INSR: variants seen among roughly 807,000 people sequenced by gnomAD.
INSR encodes IR.
A neutral mutation model predicts 142.6 loss-of-function variants in INSR; 67 were observed. That is an observed-to-expected ratio of 0.47 (90% CI 0.39 to 0.58). The LOEUF is 0.58. Ranked by LOEUF, INSR falls within the 20% of genes least tolerant of loss-of-function variation. The pLI is 0.00. For synonymous variants in INSR, 756 were observed against 743.1 expected, an observed-to-expected ratio of 1.02 and a Z score of -0.28; for missense variants, 1,248 against 1,833.2, an observed-to-expected ratio of 0.68 and a Z score of 5.83.
chr19:7,146,236 C>CTTTTTTTTTTTTTTTTTTTTTTTTTTTTT (rs35961932), intron 11 of INSR, among the ~76,000 whole-genome samples: 1 of 110,754 alleles, frequency 9.0e-6, no homozygotes, highest in African/African-American at 3.5e-5. Flanking sequence ...TTGTCAAGTT[C>CTTTTTTTTTTTTTTTTTTTTTTTTTTTTT]TTTTTTTTTT....
At chr19:7,293,647 C>G (rs1968556647) in intron 1 of INSR, 145 bp downstream of exon 1, 1 of 618,512 alleles carries the variant, frequency 1.6e-6, no homozygotes, top group African/African-American at 2.0e-5. Flanking sequence ...GCTCCCCCTA[C>G]GCGATGCAGG....
At position 7,214,302 on chromosome 19, in the gene INSR, C is replaced by T. The variant is rs543540563; in HGVS notation, c.653-29665G>A. Among the ~76,000 whole-genome samples the T allele has an allele frequency of 5.3e-5, 8 of 152,278 alleles. No homozygotes were observed. In the East Asian group the frequency reaches 1.5e-3, roughly 29 times the overall value. On this transcript the variant is annotated intron_variant, in intron 2 of 21. Transcript: ENST00000302850. ...CCCAGAACTCTAGTTCTTATTCCCC[C>T]CTGTGCTGGCCCTCCATAAACATTT...
chr19:7,156,782 CTTTTTTTTT>C (rs746400499), intron 9 of INSR, among the ~76,000 whole-genome samples: 12 of 63,186 alleles, frequency 1.9e-4, no homozygotes, highest in African/African-American at 5.4e-4. Context: ...CTATTTCTCT[CTTTTTTTTT>C]TTTTTTTTTT....
At chr19:7,154,523 C>T (rs1309406291) in intron 9 of INSR, among the ~76,000 whole-genome samples, 3 of 150,424 alleles carry the variant, frequency 2.0e-5, no homozygotes, top group East Asian at 2.0e-4. Flanking sequence ...AGGATGGTCT[C>T]GATCTCCTGA....
chr19:7,206,480 T>C (rs1975107792), intron 2 of INSR, among the ~76,000 whole-genome samples: 1 of 152,192 alleles, frequency 6.6e-6, no homozygotes, highest in African/African-American at 2.4e-5. Context: ...CAGTCACTCC[T>C]CATTGCTTGC....
At chr19:7,289,866 G>C (rs1193668859) in intron 1 of INSR, among the ~76,000 whole-genome samples, 1 of 152,180 alleles carries the variant, frequency 6.6e-6, no homozygotes, top group African/African-American at 2.4e-5. Flanking sequence ...GGACCACATG[G>C]GTGGAGACCA....
intron 1 of INSR, among the ~76,000 whole-genome samples, chr19:7,286,088 TC>T (rs149290723): frequency 0.033 from 4,993 of 152,168 alleles, 290 homozygotes; most frequent in African/African-American, 0.11. Flanking sequence ...CAGGTGATCC[TC>T]CCACCTCAGC....
At chr19:7,249,957 A>C (rs1976659684) in intron 2 of INSR, among the ~76,000 whole-genome samples, 1 of 151,810 alleles carries the variant, frequency 6.6e-6, no homozygotes. Context: ...GCACCACTGC[A>C]CTCCAACCTG....
chr19:7,262,700 G>A (rs1302523931), intron 2 of INSR, among the ~76,000 whole-genome samples: 2 of 152,188 alleles, frequency 1.3e-5, no homozygotes, highest in African/African-American at 4.8e-5. Context: ...AGGCTACCAC[G>A]TGGATGAACC....
At chr19:7,248,926 A>G (rs1600089872) in intron 2 of INSR, among the ~76,000 whole-genome samples, 1 of 151,670 alleles carries the variant, frequency 6.6e-6, no homozygotes. Flanking sequence ...CGCCCAGCTA[A>G]TTAAGTATTT....
At chr19:7,158,305 C>A (rs1481020640) in intron 9 of INSR, among the ~76,000 whole-genome samples, 1 of 151,838 alleles carries the variant, frequency 6.6e-6, no homozygotes, top group Non-Finnish European at 1.5e-5. Flanking sequence ...TCGAGACCAT[C>A]CTGGCTAACA....
At chr19:7,191,711 C>G (rs1214120305) in intron 2 of INSR, among the ~76,000 whole-genome samples, 1 of 152,050 alleles carries the variant, frequency 6.6e-6, no homozygotes, top group African/African-American at 2.4e-5. Context: ...AACCAATAGT[C>G]CCAGCTACTC....
At chr19:7,204,430 G>C (rs1405393662) in intron 2 of INSR, among the ~76,000 whole-genome samples, 1 of 152,058 alleles carries the variant, frequency 6.6e-6, no homozygotes, top group Non-Finnish European at 1.5e-5. Context: ...GGAGCCTCAT[G>C]GCCTCGTTTT....
chr19:7,293,761 T>C (rs1968560302), intron 1 of INSR, 31 bp downstream of exon 1: 5 of 1,307,184 alleles, frequency 3.8e-6, no homozygotes, highest in Non-Finnish European at 4.9e-6. Context: ...ATCGCGGCGC[T>C]CCCCGCCCAC....
intron 2 of INSR, among the ~76,000 whole-genome samples, chr19:7,214,299 C>T (rs1052458640): frequency 3.9e-5 from 6 of 152,128 alleles, no homozygotes; most frequent in Admixed American, 3.9e-4. Context: ...GTTCTTATTC[C>T]CCCCTGTGCT....
At chr19:7,157,859 G>A (rs947520691) in intron 9 of INSR, among the ~76,000 whole-genome samples, 1 of 151,732 alleles carries the variant, frequency 6.6e-6, no homozygotes, top group Non-Finnish European at 1.5e-5. Flanking sequence ...TCCTGTGAAT[G>A]GTGAGTATCC....
intron 1 of INSR, among the ~76,000 whole-genome samples, chr19:7,276,338 G>GT (rs989191579): frequency 2.0e-5 from 3 of 151,922 alleles, no homozygotes; most frequent in African/African-American, 4.8e-5. Context: ...TAGAGATGGG[G>GT]TTTCACCATG....
intron 2 of INSR, among the ~76,000 whole-genome samples, chr19:7,197,758 AGTGTGTGTGTGT>A (rs57922087): frequency 2.1e-4 from 12 of 57,802 alleles, no homozygotes; most frequent in Admixed American, 2.1e-3. Flanking sequence ...CCAGAGTGGG[AGTGTGTGTGTGT>A]GTGTGTGTGT....
chr19:7,290,779 A>G (rs867008563), intron 1 of INSR, among the ~76,000 whole-genome samples: 8,220 of 135,802 alleles, frequency 0.061, 783 homozygotes, highest in African/African-American at 0.22. Flanking sequence ...AAAAAAAAAG[A>G]AAAAAAAAAA....
Sources: gnomAD v4.1 joint callset for allele counts (sites outside exome capture counted in the v4.1 genomes callset) on GRCh38, gnomAD v4.1.1 for gene constraint, MANE v1.5 for transcripts, NCBI Gene and HGNC (gene_info 2026-07-23, HGNC 2026-07-21) for gene names.